Variants in JKAMP observed in about 807,000 individuals in gnomAD.
The protein encoded by JKAMP is JNK1/MAPK8 associated membrane protein.
A neutral mutation model predicts 40.2 loss-of-function variants in JKAMP; 20 were observed. The observed-to-expected ratio is 0.50, with a 90% CI of 0.35 to 0.72. JKAMP has a LOEUF of 0.72. Among genes scored for constraint, JKAMP ranks in the 30% least tolerant of loss-of-function variants. JKAMP has a pLI of 0.01. For missense variants in JKAMP, 276 were observed against 373.0 expected (o/e 0.74, Z 2.14); for synonymous variants, 138 against 131.6 (o/e 1.05, Z -0.33).
At chr14:59,486,611 A>G (rs1890594894) in intron 1 of JKAMP, 102 bp from the exon 2 acceptor site, 2 of 788,292 alleles carry the variant, frequency 2.5e-6, no homozygotes, top group Non-Finnish European at 4.2e-6. Flanking sequence ...ATATTATTCA[A>G]AAATTTGAAA....
intron 3 of JKAMP, among the ~76,000 whole-genome samples, chr14:59,488,947 C>CT (rs1375971036): frequency 6.6e-6 from 1 of 152,242 alleles, no homozygotes; most frequent in East Asian, 1.9e-4. Flanking sequence ...AGCCTACTTT[C>CT]TATTCTTTCC....
chr14:59,501,417 C>T, intron 6 of JKAMP, 150 bp downstream of exon 6: 1 of 581,128 alleles, frequency 1.7e-6, no homozygotes, highest in Non-Finnish European at 2.9e-6. Context: ...GGCTTGTTAA[C>T]TTTATGAAAA....
At chr14:59,500,292 AGTTAACATTTGAAATTGTTCCAAAT>A (rs1204545985) in intron 5 of JKAMP, among the ~76,000 whole-genome samples, 1 of 152,212 alleles carries the variant, frequency 6.6e-6, no homozygotes, top group East Asian at 1.9e-4. Context: ...CTGAATCCTG[AGTTAACATTTGAAATTGTTCCAAAT>A]GGGTTCTACT....
At chr14:59,484,764 G>T (rs1364982958) in intron 1 of JKAMP, 171 bp downstream of exon 1, 9 of 969,598 alleles carry the variant, frequency 9.3e-6, no homozygotes, top group Non-Finnish European at 1.4e-5. Context: ...GGGTTGGGGT[G>T]GTCTGTCCGC....
Position 59,497,529 on chromosome 14 carries a change from G to A in JKAMP, c.459-1198G>A, listed in dbSNP as rs181556273. Among the ~76,000 whole-genome samples, 162 of 152,246 alleles carry A rather than the reference G, an allele frequency of 1.1e-3. 2 individuals carry two copies. Among genetic ancestry groups the A allele is most frequent in the East Asian group, 3.1e-3 (16 of 5,178 alleles). ...TTAAGGAATTACAAGTTGTGGAAAT[G>A]GACAGATTTTTTTTCTTTTGCTGTT... On this transcript the variant is annotated intron_variant, in intron 4 of 6. Transcript: ENST00000616435.
chr14:59,502,755 T>TGTTTTTTTGTTTTTG (rs67189643), intron 6 of JKAMP, among the ~76,000 whole-genome samples: 12 of 122,916 alleles, frequency 9.8e-5, no homozygotes, highest in African/African-American at 3.6e-4. Flanking sequence ...ATGAGATTTT[T>TGTTTTTTTGTTTTTG]TTTTTTTTTT....
At position 59,504,805 on chromosome 14, in the gene JKAMP, C is replaced by T. The variant is rs1892224954; in HGVS notation, c.*733C>T. 1 of 153,346 alleles carries T rather than the reference C, an allele frequency of 6.5e-6. No individual in the cohort carries two copies. The highest frequency in any genetic ancestry group is 2.1e-4 in the South Asian group (1 of 4,866). The allele number at this position is 153,346 out of a possible 1,614,324, so 9.5% of individuals were successfully genotyped here. A position where few individuals can be genotyped will look rare whatever the true frequency, so the allele number is the denominator to read the frequency against. ...TCCTCTCATATCTCGGGTATATATA[C>T]ATACCATATTTTATTGATCCAGAGA... On this transcript the variant is annotated 3_prime_UTR_variant, in exon 7 of 7. Transcript: ENST00000616435.
At chr14:59,486,348 G>A (rs1033858047) in intron 1 of JKAMP, among the ~76,000 whole-genome samples, 2 of 152,132 alleles carry the variant, frequency 1.3e-5, no homozygotes, top group Admixed American at 6.5e-5. Flanking sequence ...AATACAAGGT[G>A]GTGACCCTCT....
At chr14:59,484,742 C>G (rs1265163300) in intron 1 of JKAMP, 149 bp downstream of exon 1, 7 of 1,075,250 alleles carry the variant, frequency 6.5e-6, no homozygotes, top group South Asian at 2.9e-5. Context: ...GGCCGGGCTC[C>G]GCACTCCTGC....
chr14:59,496,988 T>C (rs1313419558), intron 4 of JKAMP, among the ~76,000 whole-genome samples: 1 of 150,666 alleles, frequency 6.6e-6, no homozygotes, highest in Non-Finnish European at 1.5e-5. Flanking sequence ...CTACCACAAG[T>C]CATAGTAATT....
Position 59,504,349 on chromosome 14 carries a change from G to T in JKAMP, c.*277G>T, listed in dbSNP as rs1269082288. On this transcript the variant is annotated 3_prime_UTR_variant, in exon 7 of 7. Coordinates refer to ENST00000616435, the MANE Select transcript of JKAMP (RefSeq NM_016475.5). Reference sequence around the variant, plus strand: ...TCTCAACAGTTCAGCTGTTCTTTAGGGCAAAATCATGTTTCTGTGTACCTA... The same window carrying T: ...TCTCAACAGTTCAGCTGTTCTTTAGTGCAAAATCATGTTTCTGTGTACCTA... 1.6e-5 allele frequency: 6 copies of T among 369,694 alleles called. No individual in the cohort carries two copies. Among genetic ancestry groups the T allele is most frequent in the South Asian group, 1.1e-4 (2 of 18,088 alleles). 22.9% of individuals were successfully genotyped at this position (369,694 alleles called of 1,614,324 possible). A position where few individuals can be genotyped will look rare whatever the true frequency, so the allele number is the denominator to read the frequency against.
chr14:59,484,750 T>A lies in JKAMP; in HGVS notation c.4+157T>A, dbSNP rs1594925744. The A allele has an allele frequency of 1.2e-5, 13 of 1,047,240 alleles. No homozygotes were observed. In the East Asian group the frequency reaches 1.3e-4, roughly 10 times the overall value. The allele number at this position is 1,047,240 out of a possible 1,614,324, so 64.9% of individuals were successfully genotyped here. A position where few individuals can be genotyped will look rare whatever the true frequency, so the allele number is the denominator to read the frequency against. On this transcript the variant is annotated intron_variant, in intron 1 of 6. Coordinates refer to ENST00000616435, the MANE Select transcript of JKAMP (RefSeq NM_016475.5). Reference sequence around the variant, plus strand: ...GCCCTCGGGCCGGGCTCCGCACTCCTGCGGGGTTGGGGTGGTCTGTCCGCA... The same window carrying A: ...GCCCTCGGGCCGGGCTCCGCACTCCAGCGGGGTTGGGGTGGTCTGTCCGCA...
At chr14:59,485,623 C>A (rs1051647890) in intron 1 of JKAMP, 1 of 152,606 alleles carries the variant, frequency 6.6e-6, no homozygotes, top group Non-Finnish European at 1.5e-5. Flanking sequence ...ACATGTAGAC[C>A]GCAGTTTGTT....
chr14:59,492,848 A>C (rs989438349), intron 3 of JKAMP, among the ~76,000 whole-genome samples: 1 of 139,690 alleles, frequency 7.2e-6, no homozygotes, highest in African/African-American at 2.7e-5. Context: ...CCCAGGCTGG[A>C]GTGCGGTGGT....
intron 3 of JKAMP, 48 bp from the exon 4 acceptor site, chr14:59,494,970 T>G: frequency 7.3e-7 from 1 of 1,367,964 alleles, no homozygotes; most frequent in Non-Finnish European, 1.0e-6. Context: ...TTAAAGCCAT[T>G]TAAATATTGC....
At chr14:59,488,364 A>G (rs2139861505) in intron 3 of JKAMP, among the ~76,000 whole-genome samples, 1 of 152,288 alleles carries the variant, frequency 6.6e-6, no homozygotes, top group East Asian at 1.9e-4. Context: ...ATAATTATAA[A>G]TCAGTCTTAG....
chr14:59,497,284 T>C (rs1891520824), intron 4 of JKAMP, among the ~76,000 whole-genome samples: 1 of 152,226 alleles, frequency 6.6e-6, no homozygotes, highest in African/African-American at 2.4e-5. Context: ...AATGAGCAGT[T>C]ATTACTCTTA....
chr14:59,501,326 C>A, intron 6 of JKAMP, 59 bp downstream of exon 6: 2 of 1,031,990 alleles, frequency 1.9e-6, no homozygotes, highest in Non-Finnish European at 1.5e-6. Context: ...AATTCAATAT[C>A]AGAATAGTCC....
At position 59,504,142 on chromosome 14, in the gene JKAMP, G is replaced by GT. The variant is rs1892171458; in HGVS notation, c.*71dup. 1.9e-5 allele frequency: 16 copies of GT among 858,610 alleles called. No homozygotes were observed. The South Asian group carries it at 2.4e-4, about 13-fold the overall frequency. The allele number at this position is 858,610 out of a possible 1,614,324, so 53.2% of individuals were successfully genotyped here. ...AAAAAAGTAAATCAATCTTAACAGT[G>GT]TATGAGAACTATTCTATCATATATG... On this transcript the variant is annotated 3_prime_UTR_variant, in exon 7 of 7. Coordinates refer to ENST00000616435, the MANE Select transcript of JKAMP (RefSeq NM_016475.5).
Sources: allele counts gnomAD v4.1 joint callset (sites outside exome capture counted in the v4.1 genomes callset), GRCh38; gene constraint gnomAD v4.1.1; transcripts MANE v1.5; gene names NCBI Gene and HGNC (gene_info 2026-07-23, HGNC 2026-07-21).